PGM5: variants seen among roughly 807,000 people sequenced by gnomAD.
The protein encoded by PGM5 is phosphoglucomutase-like protein 5.
PGM5 carries 23 observed loss-of-function variants against 59.2 expected under a neutral mutation model. The ratio of observed to expected loss-of-function variants is 0.39; its 90% CI spans 0.28 to 0.55. The LOEUF is 0.55. Among genes scored for constraint, PGM5 ranks in the 20% least tolerant of loss-of-function variants. The probability of loss-of-function intolerance (pLI) is 0.66; values close to 1 mark genes in which losing one functional copy is unlikely to be tolerated. For synonymous variants in PGM5, 214 were observed against 286.0 expected (o/e 0.75, Z 2.54); for missense variants, 574 against 748.3 (o/e 0.77, Z 2.72).
intron 6 of PGM5, among the ~76,000 whole-genome samples, chr9:68,447,721 T>G (rs1359098022): frequency 6.6e-6 from 1 of 152,142 alleles, no homozygotes; most frequent in Non-Finnish European, 1.5e-5. Context: ...TAAACAATTT[T>G]TTATAGGCAA....
chr9:68,447,438 G>A (rs1823631047), intron 6 of PGM5, among the ~76,000 whole-genome samples: 2 of 152,252 alleles, frequency 1.3e-5, no homozygotes, highest in South Asian at 4.1e-4. Flanking sequence ...GAGAGAGAGA[G>A]CTGGCTTTGA....
At chr9:68,468,247 T>C (rs1823967560) in intron 7 of PGM5, among the ~76,000 whole-genome samples, 1 of 152,156 alleles carries the variant, frequency 6.6e-6, no homozygotes, top group African/African-American at 2.4e-5. Flanking sequence ...ATTCTCATCA[T>C]TTCGCTCCCA....
At chr9:68,432,078 T>TA (rs35673422) in intron 6 of PGM5, among the ~76,000 whole-genome samples, 4,581 of 152,254 alleles carry the variant, frequency 0.03, 69 homozygotes, top group African/African-American at 0.055. Flanking sequence ...TTTTTGTTTT[T>TA]AAAAAAATCC....
At chr9:68,366,037 G>GA (rs1384613826) in intron 1 of PGM5, among the ~76,000 whole-genome samples, 1 of 152,042 alleles carries the variant, frequency 6.6e-6, no homozygotes, top group African/African-American at 2.4e-5. Context: ...TTGTAAAAAA[G>GA]ATGAAATTAC....
chr9:68,376,801 CTT>C (rs1171843339), intron 1 of PGM5, among the ~76,000 whole-genome samples: 16 of 109,020 alleles, frequency 1.5e-4, no homozygotes, highest in South Asian at 5.8e-4. Flanking sequence ...TTCTTTCTTT[CTT>C]TCTTTCTTTC....
chr9:68,505,818 A>G (rs385256), intron 10 of PGM5, among the ~76,000 whole-genome samples: 12,141 of 152,032 alleles, frequency 0.08, 1,641 homozygotes, highest in African/African-American at 0.28. Flanking sequence ...TGGCGGTTGG[A>G]TTTGGTCTCC....
intron 10 of PGM5, among the ~76,000 whole-genome samples, chr9:68,520,119 G>A (rs1003828837): frequency 3.4e-5 from 5 of 148,298 alleles, no homozygotes; most frequent in African/African-American, 1.2e-4. Flanking sequence ...CTATAAGCTC[G>A]TTATAAAAAA....
chr9:68,423,808 C>T (rs1038103479), intron 6 of PGM5, among the ~76,000 whole-genome samples: 137 of 152,268 alleles, frequency 9.0e-4, no homozygotes, highest in African/African-American at 3.1e-3. Flanking sequence ...AGTGTGGTCA[C>T]GCATACACGT....
Position 68,391,579 on chromosome 9 carries a change from C to A in PGM5, c.743C>A (p.Ala248Asp). Residue 248 changes from alanine to aspartate, a missense_variant, in exon 5 of 11, where the codon GCC becomes GAC. Coordinates refer to ENST00000396396, the MANE Select transcript of PGM5 (RefSeq NM_021965.4). ...VRKVLCDELG[A>D]PANSAINCVP... ...AAAGTTCTGTGTGATGAGCTGGGGG[C>A]CCCAGCCAATTCTGCAATAAACTGT... 3 of 1,613,288 alleles carry A rather than the reference C, an allele frequency of 1.9e-6. No individual in the cohort carries two copies. The highest frequency in any genetic ancestry group is 1.7e-4 in the Middle Eastern group (1 of 6,048).
chr9:68,404,892 T>A (rs1822766248), intron 6 of PGM5: 1 of 152,248 alleles, frequency 6.6e-6, no homozygotes, highest in South Asian at 2.1e-4. Context: ...TTGGCCCACA[T>A]AACTGAAGTA....
At chr9:68,432,375 A>G (rs541447077) in intron 6 of PGM5, among the ~76,000 whole-genome samples, 25 of 151,676 alleles carry the variant, frequency 1.6e-4, no homozygotes, top group African/African-American at 5.3e-4. Context: ...AAATTTTTGT[A>G]TGTTTTGTAG....
Position 68,465,143 on chromosome 9 carries a change from G to A in PGM5, c.1094G>A (p.Arg365Lys). 3 of 1,613,530 alleles carry A rather than the reference G, an allele frequency of 1.9e-6. No homozygotes were observed. The highest frequency in any genetic ancestry group is 2.5e-6 in the Non-Finnish European group (3 of 1,179,488). Residue 365 changes from arginine to lysine, a missense_variant, in exon 7 of 11, where the codon AGA (arginine) becomes AAA (lysine). By Grantham distance (26) the Arg-to-Lys change is conservative (BLOSUM62 2). Around this residue, in one of 7 missense-constraint regions of PGM5, gnomAD observed 300 missense variants for 280.0 expected, o/e 1.07. Transcript: ENST00000396396. ...GTATATGAGACCCCAGCTGGATGGA[G>A]ATTCTTCTCAAATCTGATGGACTCA... ...VPVYETPAGW[R>K]FFSNLMDSGR...
At chr9:68,464,455 G>A (rs1291080119) in intron 6 of PGM5, 1 of 152,220 alleles carries the variant, frequency 6.6e-6, no homozygotes, top group Non-Finnish European at 1.5e-5. Flanking sequence ...AGGAGGCCAG[G>A]CCTTTATATA....
At chr9:68,479,890 T>A (rs1192375956) in intron 8 of PGM5, among the ~76,000 whole-genome samples, 1 of 137,294 alleles carries the variant, frequency 7.3e-6, no homozygotes, top group Non-Finnish European at 1.5e-5. Context: ...GCCACTGCAC[T>A]CCAGCCTGGG....
chr9:68,529,160 TTC>T (rs1478882487), intron 10 of PGM5, among the ~76,000 whole-genome samples: 1 of 137,926 alleles, frequency 7.3e-6, no homozygotes, highest in Non-Finnish European at 1.6e-5. Context: ...TGAGCTTTTA[TTC>T]TCGTGTGTGT....
At chr9:68,382,015 T>C (rs1822090769) in intron 2 of PGM5, among the ~76,000 whole-genome samples, 1 of 151,770 alleles carries the variant, frequency 6.6e-6, no homozygotes, top group Admixed American at 6.6e-5. Flanking sequence ...ACATTCTTCA[T>C]GGAAATAGAA....
chr9:68,470,505 CTGAG>C (rs1393763729), intron 7 of PGM5, among the ~76,000 whole-genome samples: 1 of 152,234 alleles, frequency 6.6e-6, no homozygotes, highest in Admixed American at 6.5e-5. Flanking sequence ...TGCACAAATA[CTGAG>C]TAAGTTTAAC....
intron 5 of PGM5, among the ~76,000 whole-genome samples, chr9:68,391,996 T>C (rs1554679539): frequency 2.6e-5 from 4 of 152,140 alleles, no homozygotes; most frequent in Non-Finnish European, 5.9e-5. Flanking sequence ...CTGGTGTTGT[T>C]GAAAGCACCA....
At chr9:68,398,896 T>C (rs1222002336) in intron 6 of PGM5, among the ~76,000 whole-genome samples, 7 of 152,202 alleles carry the variant, frequency 4.6e-5, no homozygotes, top group Non-Finnish European at 8.8e-5. Context: ...CTTTAATAAT[T>C]GGTCTGATTG....
Sources: gnomAD v4.1 joint callset for allele counts (sites outside exome capture counted in the v4.1 genomes callset) on GRCh38, gnomAD v4.1.1 for gene constraint, gnomAD v4.1.1 regional missense constraint, MANE v1.5 for transcripts, NCBI Gene and HGNC (gene_info 2026-07-23, HGNC 2026-07-21) for gene names.